MBNL2: variants seen among roughly 807,000 people sequenced by gnomAD.
MBNL2 encodes the protein muscleblind-like protein 2.
MBNL2 carries 17 observed loss-of-function variants against 41.9 expected under a neutral mutation model. The ratio of observed to expected loss-of-function variants is 0.41; its 90% CI spans 0.28 to 0.61. The LOEUF (loss-of-function observed/expected upper bound fraction) is 0.61, where lower values mean the gene tolerates loss of function less well. MBNL2 is among the 20% of genes least tolerant of loss of function. MBNL2 has a pLI of 0.35. For missense variants in MBNL2, 336 were observed against 505.6 expected (o/e 0.66, Z 3.22); for synonymous variants, 195 against 182.9 (o/e 1.07, Z -0.53).
intron 1 of MBNL2, among the ~76,000 whole-genome samples, chr13:97,228,584 G>A (rs373272522): frequency 8.3e-5 from 12 of 144,310 alleles, no homozygotes; most frequent in South Asian, 4.4e-4. Context: ...GCTGGAGTGC[G>A]GTGGCACTAT....
intron 2 of MBNL2, among the ~76,000 whole-genome samples, chr13:97,285,683 T>C (rs1330783943): frequency 6.6e-6 from 1 of 152,210 alleles, no homozygotes; most frequent in Non-Finnish European, 1.5e-5. Context: ...TACATATTGA[T>C]CACGTGCTCC....
intron 1 of MBNL2, among the ~76,000 whole-genome samples, chr13:97,246,567 G>T (rs2152827354): frequency 6.6e-6 from 1 of 152,286 alleles, no homozygotes; most frequent in South Asian, 2.1e-4. Context: ...AGAGAAGTCT[G>T]CTTTTAGTTA....
At chr13:97,283,274 TC>T (rs1275272334) in intron 2 of MBNL2, among the ~76,000 whole-genome samples, 2 of 152,184 alleles carry the variant, frequency 1.3e-5, no homozygotes, top group Non-Finnish European at 2.9e-5. Flanking sequence ...TGCATTCATT[TC>T]CCACCTCTGT....
At chr13:97,379,906 C>A (rs2065283113) in intron 8 of MBNL2, among the ~76,000 whole-genome samples, 1 of 152,090 alleles carries the variant, frequency 6.6e-6, no homozygotes, top group African/African-American at 2.4e-5. Context: ...TATGCTATGT[C>A]TATTTTGCCA....
chr13:97,178,556 T>C, the MBNL2 span, among the ~76,000 whole-genome samples: 29 of 152,196 alleles, frequency 1.9e-4, no homozygotes, highest in African/African-American at 6.5e-4. Context: ...TCATCTTTCA[T>C]AGCAGAGAGA....
At chr13:97,230,356 G>A (rs1019219614) in intron 1 of MBNL2, among the ~76,000 whole-genome samples, 1 of 152,156 alleles carries the variant, frequency 6.6e-6, no homozygotes, top group Admixed American at 6.5e-5. Flanking sequence ...GTTGAAGGAG[G>A]GTGGGCGATG....
intron 2 of MBNL2, among the ~76,000 whole-genome samples, chr13:97,288,190 C>A (rs927555343): frequency 6.6e-6 from 1 of 152,096 alleles, no homozygotes; most frequent in African/African-American, 2.4e-5. Context: ...GTTTCTCTCT[C>A]TTTTTTATTA....
At chr13:97,328,660 A>C (rs1002853355) in intron 2 of MBNL2, among the ~76,000 whole-genome samples, 2 of 151,672 alleles carry the variant, frequency 1.3e-5, no homozygotes, top group Non-Finnish European at 2.9e-5. Context: ...AAATTATTCC[A>C]GCGGAATACA....
chr13:97,375,560 A>G (rs2064885779), intron 8 of MBNL2, among the ~76,000 whole-genome samples: 1 of 152,170 alleles, frequency 6.6e-6, no homozygotes, highest in Non-Finnish European at 1.5e-5. Flanking sequence ...AAGGGAACCC[A>G]TGCTTACCCA....
At chr13:97,353,714 A>G (rs2062714734) in intron 5 of MBNL2, among the ~76,000 whole-genome samples, 1 of 152,210 alleles carries the variant, frequency 6.6e-6, no homozygotes, top group Non-Finnish European at 1.5e-5. Context: ...TTTCTTTGGT[A>G]GTGTTAACAC....
At chr13:97,146,209 G>T in the MBNL2 span, among the ~76,000 whole-genome samples, 4 of 150,262 alleles carry the variant, frequency 2.7e-5, no homozygotes, top group African/African-American at 9.9e-5. Flanking sequence ...CACCATGTTG[G>T]CTGGGATGGT....
chr13:97,182,030 G>T, the MBNL2 span, among the ~76,000 whole-genome samples: 1 of 152,324 alleles, frequency 6.6e-6, no homozygotes, highest in South Asian at 2.1e-4. Flanking sequence ...AGAAGGGTTA[G>T]TAGGGGTTTT....
chr13:97,227,705 A>G lies in MBNL2; in HGVS notation c.-605+5174A>G, dbSNP rs533785717. 4.6e-5 allele frequency among the ~76,000 whole-genome samples: 7 copies of G among 152,242 alleles called. No homozygotes were observed. In the East Asian group the frequency reaches 1.4e-3, roughly 29 times the overall value. On this transcript the variant is annotated intron_variant, in intron 1 of 8. Coordinates refer to ENST00000679496, the MANE Select transcript of MBNL2 (RefSeq NM_001382683.1). ...TGACTTGAATTTTGAAGGACAGGAA[A>G]AACTTAGAACTGTCCCTGGGGGTGC... is the stretch of plus-strand genomic sequence containing the variant.
intron 1 of MBNL2, among the ~76,000 whole-genome samples, chr13:97,223,426 C>T (rs1291819411): frequency 6.6e-6 from 1 of 152,192 alleles, no homozygotes; most frequent in East Asian, 1.9e-4. Flanking sequence ...TCTTTCTGCC[C>T]TTTTCCGTTT....
chr13:97,204,573 C>A, the MBNL2 span, among the ~76,000 whole-genome samples: 1 of 152,004 alleles, frequency 6.6e-6, no homozygotes, highest in African/African-American at 2.4e-5. Context: ...GCATAAATTG[C>A]TTAAATTGAC....
At chr13:97,256,754 G>C (rs1031615995) in intron 1 of MBNL2, among the ~76,000 whole-genome samples, 1 of 152,168 alleles carries the variant, frequency 6.6e-6, no homozygotes, top group Non-Finnish European at 1.5e-5. Flanking sequence ...TGAGTTCATT[G>C]GCTTGCCCGA....
At chr13:97,378,152 ATTAC>A (rs1000818640) in intron 8 of MBNL2, among the ~76,000 whole-genome samples, 2 of 152,256 alleles carry the variant, frequency 1.3e-5, no homozygotes, top group Admixed American at 1.3e-4. Flanking sequence ...ACTATATAAT[ATTAC>A]TTAATTGAAA....
At chr13:97,282,549 T>G (rs1260612852) in intron 2 of MBNL2, among the ~76,000 whole-genome samples, 1 of 152,288 alleles carries the variant, frequency 6.6e-6, no homozygotes. Context: ...GTAACAAAAA[T>G]GGTTTTTGTC....
At chr13:97,301,238 G>C (rs2057588755) in intron 2 of MBNL2, among the ~76,000 whole-genome samples, 1 of 152,184 alleles carries the variant, frequency 6.6e-6, no homozygotes, top group South Asian at 2.1e-4. Context: ...TGTGCACTGT[G>C]CCAGGCATTT....
Sources: gnomAD v4.1 joint callset for allele counts (sites outside exome capture counted in the v4.1 genomes callset) on GRCh38, gnomAD v4.1.1 for gene constraint, MANE v1.5 for transcripts, NCBI Gene and HGNC (gene_info 2026-07-23, HGNC 2026-07-21) for gene names.